CDH5: variants seen among roughly 807,000 people sequenced by gnomAD.
CDH5 encodes the protein cadherin-5.
CDH5 carries 28 observed loss-of-function variants against 62.0 expected under a neutral mutation model. That is an observed-to-expected ratio of 0.45 (90% CI 0.33 to 0.62). The LOEUF (loss-of-function observed/expected upper bound fraction) is 0.62. CDH5 is among the 20% of genes least tolerant of loss of function. The pLI is 0.02. For synonymous variants in CDH5, 464 were observed against 445.8 expected (o/e 1.04, Z -0.52); for missense variants, 940 against 1,065.1 (o/e 0.88, Z 1.63).
intron 7 of CDH5, among the ~76,000 whole-genome samples, chr16:66,394,164 G>T (rs923827738): frequency 4.6e-5 from 7 of 152,058 alleles, no homozygotes; most frequent in Non-Finnish European, 1.0e-4. Context: ...AGTTAACAAA[G>T]GTTTGCAACT....
At chr16:66,382,198 A>T (rs1960910308) in intron 2 of CDH5, among the ~76,000 whole-genome samples, 1 of 152,172 alleles carries the variant, frequency 6.6e-6, no homozygotes, top group South Asian at 2.1e-4. Context: ...CCCATTTGGG[A>T]AATTAGGAAA....
intron 1 of CDH5, among the ~76,000 whole-genome samples, chr16:66,379,058 G>A (rs538091508): frequency 6.6e-6 from 1 of 152,342 alleles, no homozygotes; most frequent in Admixed American, 6.5e-5. Context: ...CCCTGAGGCA[G>A]AGGGTGAGGA....
At chr16:66,386,652 T>C (rs1264839495) in intron 2 of CDH5, among the ~76,000 whole-genome samples, 157 bp from the exon 3 acceptor site, 1 of 151,994 alleles carries the variant, frequency 6.6e-6, no homozygotes, top group Non-Finnish European at 1.5e-5. Flanking sequence ...AGGTTCTTGA[T>C]AAAAAATCTC....
At chr16:66,381,771 A>C (rs1960903451) in intron 2 of CDH5, among the ~76,000 whole-genome samples, 1 of 152,188 alleles carries the variant, frequency 6.6e-6, no homozygotes, top group African/African-American at 2.4e-5. Flanking sequence ...CTGGACTTGC[A>C]AATAAAGTTT....
rs775837369 is a variant in CDH5, at chr16:66,379,439, C to T, written c.102C>T (p.Asp34=). 1 of 1,614,212 alleles carries T rather than the reference C, an allele frequency of 6.2e-7. No homozygotes were observed. Among genetic ancestry groups the T allele is most frequent in the Non-Finnish European group, 8.5e-7 (1 of 1,180,028 alleles). The part of the protein sequence containing the change: ...AAAGANPAQR[D]THSLLPTHRR... Reference sequence around the variant, plus strand: ...CAGGTGCTAACCCTGCCCAACGGGACACCCACAGCCTGCTGCCCACCCACC... The same window carrying T: ...CAGGTGCTAACCCTGCCCAACGGGATACCCACAGCCTGCTGCCCACCCACC... Residue 34 remains aspartate, a synonymous_variant, in exon 2 of 12, where the codon GAC becomes GAT. Transcript: ENST00000341529.
intron 1 of CDH5, among the ~76,000 whole-genome samples, chr16:66,367,752 T>C (rs1159675320): frequency 6.6e-6 from 1 of 152,044 alleles, no homozygotes; most frequent in African/African-American, 2.4e-5. Context: ...GTGTGGGGAT[T>C]TGAACCAGGA....
Position 66,398,468 on chromosome 16 carries a change from A to T in CDH5, c.1498A>T (p.Ile500Phe), listed in dbSNP as rs375598428. The T allele has an allele frequency of 5.6e-6, 9 of 1,604,772 alleles. No individual in the cohort carries two copies. The highest frequency in any genetic ancestry group is 1.3e-5 in the African/African-American group (1 of 74,822). Residue 500 changes from isoleucine to phenylalanine, a missense_variant, in exon 10 of 12, where the codon ATC becomes TTC. Coordinates refer to ENST00000341529, the MANE Select transcript of CDH5 (RefSeq NM_001795.5). ...NAVHGQLVLQ[I>F]SAIDKDITPR... ...TTCCACACTCCAGCTGGTCCTGCAG[A>T]TCTCCGCAATAGACAAGGACATAAC...
chr16:66,399,286 C>A (rs1961241605), intron 10 of CDH5, among the ~76,000 whole-genome samples: 1 of 152,146 alleles, frequency 6.6e-6, no homozygotes. Context: ...GACTTCATTC[C>A]AGCCACAAGT....
chr16:66,374,261 A>C (rs1397113331), intron 1 of CDH5, among the ~76,000 whole-genome samples: 1 of 152,200 alleles, frequency 6.6e-6, no homozygotes, highest in East Asian at 1.9e-4. Flanking sequence ...AGGGTGCTCA[A>C]GGCTCTGGCA....
At chr16:66,401,648 G>A (rs981766377) in intron 11 of CDH5, among the ~76,000 whole-genome samples, 40 of 152,334 alleles carry the variant, frequency 2.6e-4, no homozygotes, top group African/African-American at 9.6e-4. Context: ...CTAAGGCAGA[G>A]GGGGAGTGAA....
At chr16:66,382,100 G>A (rs1960908555) in intron 2 of CDH5, among the ~76,000 whole-genome samples, 1 of 152,232 alleles carries the variant, frequency 6.6e-6, no homozygotes, top group Non-Finnish European at 1.5e-5. Flanking sequence ...CTGGCTATAG[G>A]GCCATCCCAT....
At chr16:66,380,068 G>T (rs111169408) in intron 2 of CDH5, among the ~76,000 whole-genome samples, 1 of 1,560 alleles carries the variant, frequency 6.4e-4, no homozygotes, top group African/African-American at 8.2e-3. Flanking sequence ...AGGTGTTGGT[G>T]GTGATCACGG....
chr16:66,402,995 G>T lies in CDH5; in HGVS notation c.2181G>T (p.Thr727=), dbSNP rs746556861. 4.3e-6 allele frequency: 7 copies of T among 1,613,400 alleles called. No homozygotes were observed. Among genetic ancestry groups the T allele is most frequent in the South Asian group, 2.2e-5 (2 of 90,990 alleles). ...DHDGDGPPYD[T]LHIYGYEGSE... ...ACGGCGACGGCCCCCCCTACGACACGCTGCACATCTACGGCTACGAGGGCT... is the reference window on the plus strand; with the variant it reads ...ACGGCGACGGCCCCCCCTACGACACTCTGCACATCTACGGCTACGAGGGCT... The change falls in exon 12 of 12, where the codon ACG becomes ACT. Residue 727 remains threonine (T), a synonymous_variant. Transcript: ENST00000341529.
intron 1 of CDH5, among the ~76,000 whole-genome samples, chr16:66,372,770 G>A (rs1046826605): frequency 1.3e-5 from 2 of 152,086 alleles, no homozygotes; most frequent in African/African-American, 4.8e-5. Flanking sequence ...ATTTTCCAAG[G>A]CTCCCCTGCT....
At chr16:66,379,649 G>A in intron 2 of CDH5, 102 bp downstream of exon 2, 1 of 1,007,898 alleles carries the variant, frequency 9.9e-7, no homozygotes, top group Non-Finnish European at 1.5e-6. Context: ...AATAGATATT[G>A]TGGTGGTTGT....
intron 1 of CDH5, among the ~76,000 whole-genome samples, chr16:66,367,473 C>G (rs1960608631): frequency 6.6e-6 from 1 of 152,286 alleles, no homozygotes; most frequent in Admixed American, 6.5e-5. Flanking sequence ...GCATAAGAGC[C>G]CCAAGGCCCC....
At chr16:66,399,309 A>G (rs1345728877) in intron 10 of CDH5, among the ~76,000 whole-genome samples, 1 of 152,210 alleles carries the variant, frequency 6.6e-6, no homozygotes, top group Non-Finnish European at 1.5e-5. Flanking sequence ...GCAAGCTTCC[A>G]TGGCCTCTGA....
At position 66,398,030 on chromosome 16, in the gene CDH5, T is replaced by C; in HGVS notation, c.1409T>C (p.Leu470Ser). Residue 470 changes from leucine to serine, a missense_variant, in exon 9 of 12, where the codon TTG (leucine) becomes TCG (serine). By Grantham distance (145) the Leu-to-Ser change is moderately radical (BLOSUM62 -2). Transcript: ENST00000341529. ...ESIVQVHIEV[L>S]DENDNAPEFA... The stretch of plus-strand genomic sequence containing the variant: ...ATTGTGCAAGTCCACATTGAAGTTT[T>C]GGATGAGAATGACAATGCCCCGGAG... The C allele has an allele frequency of 3.7e-6, 6 of 1,614,160 alleles. No individual in the cohort carries two copies. Among genetic ancestry groups the C allele is most frequent in the Non-Finnish European group, 5.1e-6 (6 of 1,180,018 alleles).
chr16:66,403,390 C>A lies in CDH5; in HGVS notation c.*221C>A, dbSNP rs1435633865. Reference sequence around the variant, plus strand: ...TGACTATTCTCAAATGCTGGCAAATCCAGGCTGGTGTTCTGTCTGGGCTCA... The same window carrying A: ...TGACTATTCTCAAATGCTGGCAAATACAGGCTGGTGTTCTGTCTGGGCTCA... On this transcript the variant is annotated 3_prime_UTR_variant, in exon 12 of 12. Coordinates refer to ENST00000341529, the MANE Select transcript of CDH5 (RefSeq NM_001795.5). This position sits in a 1 kb window ranked among gnomAD's most constrained non-coding sequence, Gnocchi z 4.3. 7.0e-6 allele frequency: 4 copies of A among 575,042 alleles called. No individual in the cohort carries two copies. In the East Asian group the frequency reaches 1.2e-4, roughly 17 times the overall value. 35.6% of individuals were successfully genotyped at this position (575,042 alleles called of 1,614,324 possible).
Sources: gnomAD v4.1 joint callset for allele counts (sites outside exome capture counted in the v4.1 genomes callset) on GRCh38, gnomAD v4.1.1 for gene constraint, Gnocchi (gnomAD v3.1) non-coding constraint, MANE v1.5 for transcripts, NCBI Gene and HGNC (gene_info 2026-07-23, HGNC 2026-07-21) for gene names.